Variants in CD8B observed in about 807,000 individuals in gnomAD.
CD8B encodes CD8 subunit beta, also known as T-cell surface glycoprotein CD8 beta chain.
A neutral mutation model predicts 24.2 loss-of-function variants in CD8B; 6 were observed. The ratio of observed to expected loss-of-function variants is 0.25; its 90% CI spans 0.14 to 0.49. CD8B has a LOEUF of 0.49. Among genes scored for constraint, CD8B ranks in the 20% least tolerant of loss-of-function variants. The pLI is 0.98. For synonymous variants in CD8B, 84 were observed against 108.3 expected, an observed-to-expected ratio of 0.78 and a Z score of 1.39; for missense variants, 196 against 271.3, an observed-to-expected ratio of 0.72 and a Z score of 1.95.
chr2:86,849,961 C>T (rs553596534), intron 3 of CD8B, among the ~76,000 whole-genome samples: 3 of 152,208 alleles, frequency 2.0e-5, no homozygotes, highest in African/African-American at 7.2e-5. Context: ...GCTTTGGCCT[C>T]CCAAAGTGCT....
At chr2:86,823,183 C>T (rs1052634908) in intron 5 of CD8B, among the ~76,000 whole-genome samples, 3 of 152,052 alleles carry the variant, frequency 2.0e-5, no homozygotes, top group South Asian at 2.1e-4. Context: ...GTTTCTCTGA[C>T]GAATTCAGAG....
chr2:86,848,194 G>C (rs1460301783), intron 3 of CD8B, among the ~76,000 whole-genome samples: 1 of 152,144 alleles, frequency 6.6e-6, no homozygotes, highest in Non-Finnish European at 1.5e-5. Flanking sequence ...GACAGATGCT[G>C]TCAAATGCCT....
chr2:86,815,562 G>T, exon 6 of CD8B: 1 of 1,158,468 alleles, frequency 8.6e-7, no homozygotes, highest in Non-Finnish European at 1.3e-6. Flanking sequence ...GGAGGAATCT[G>T]GTAAAAGTAG....
chr2:86,856,052 C>T (rs1169682817), intron 2 of CD8B, among the ~76,000 whole-genome samples: 1 of 152,242 alleles, frequency 6.6e-6, no homozygotes, highest in Admixed American at 6.5e-5. Flanking sequence ...CTTTCTCAAC[C>T]ATCCCAGCTT....
downstream of CD8B, among the ~76,000 whole-genome samples, chr2:86,835,767 G>A (rs1675152020): frequency 1.3e-5 from 2 of 148,772 alleles, no homozygotes; most frequent in South Asian, 2.1e-4. Flanking sequence ...AACACTCCCA[G>A]CCAAACATAA....
intron 2 of CD8B, among the ~76,000 whole-genome samples, chr2:86,854,455 A>C (rs1676131034): frequency 6.6e-6 from 1 of 152,230 alleles, no homozygotes; most frequent in Non-Finnish European, 1.5e-5. Context: ...TTAATTTCAA[A>C]GGTGAACGCC....
intron 5 of CD8B, chr2:86,822,255 T>C (rs555961390): frequency 3.5e-6 from 3 of 849,458 alleles, no homozygotes; most frequent in African/African-American, 3.5e-5. Context: ...AAAGATGATA[T>C]CTGTTTCAGG....
Position 86,828,543 on chromosome 2 carries a change from C to T in CD8B, c.621-12825G>A, listed in dbSNP as rs115645503. The stretch of plus-strand genomic sequence containing the variant: ...AAGGGGCCCTTTGAGTGGCTCTGGC[C>T]ACTGAGAAGTGAAACCCTGGGAGCA... On this transcript the variant is annotated intron_variant, in intron 5 of 5. Coordinates refer to the CD8B transcript ENST00000331469. Among the ~76,000 whole-genome samples, 663 of 152,186 alleles carry T rather than the reference C, an allele frequency of 4.4e-3. 4 individuals are homozygous for T. The highest frequency in any genetic ancestry group is 0.015 in the African/African-American group (630 of 41,514).
At chr2:86,860,795 G>T (rs1226451686) in intron 1 of CD8B, among the ~76,000 whole-genome samples, 3 of 152,164 alleles carry the variant, frequency 2.0e-5, no homozygotes, top group Non-Finnish European at 4.4e-5. Flanking sequence ...GCAAGGCCTG[G>T]GCTGTGAGTG....
downstream of CD8B, among the ~76,000 whole-genome samples, chr2:86,837,687 G>A (rs182958703): frequency 7.0e-6 from 1 of 142,298 alleles, no homozygotes; most frequent in African/African-American, 2.6e-5. Context: ...GGCGGGGGTG[G>A]GGATGAGTAA....
At chr2:86,852,204 C>A (rs1207652312) in intron 3 of CD8B, among the ~76,000 whole-genome samples, 1 of 152,148 alleles carries the variant, frequency 6.6e-6, no homozygotes. Context: ...GAGCTCAAGG[C>A]GATCCACCCA....
At position 86,842,223 on chromosome 2, in the gene CD8B, G is replaced by A. The variant is rs1219980502; in HGVS notation, c.*84C>T. 1 of 1,498,474 alleles carries A rather than the reference G, an allele frequency of 6.7e-7. No individual in the cohort carries two copies. Among genetic ancestry groups the A allele is most frequent in the African/African-American group, 1.4e-5 (1 of 71,262 alleles). 92.8% of individuals were successfully genotyped at this position (1,498,474 alleles called of 1,614,324 possible). A position where few individuals can be genotyped will look rare whatever the true frequency, so the allele number is the denominator to read the frequency against. On this transcript the variant is annotated 3_prime_UTR_variant, in exon 6 of 6. Coordinates refer to ENST00000390655, the MANE Select transcript of CD8B (RefSeq NM_004931.5). ...GCCATTGAACTCTCCAGGGTTGAAT[G>A]TGTCCCTTCTCTCATTTTTCCACAT...
intron 5 of CD8B, among the ~76,000 whole-genome samples, chr2:86,842,953 A>G (rs1675506298): frequency 1.3e-5 from 2 of 152,132 alleles, no homozygotes; most frequent in Admixed American, 6.5e-5. Flanking sequence ...GAGGTCCTGC[A>G]TCCAGCCTCC....
Position 86,841,525 on chromosome 2 carries a change from G to T in CD8B, c.*782C>A, listed in dbSNP as rs62146880. 592,431 of 900,492 alleles carry T rather than the reference G, an allele frequency of 0.66. 196,089 individuals are homozygous for T. The highest frequency in any genetic ancestry group is 0.81 in the East Asian group (6,706 of 8,314). The allele number at this position is 900,492 out of a possible 1,614,324, so 55.8% of individuals were successfully genotyped here. A position where few individuals can be genotyped will look rare whatever the true frequency, so the allele number is the denominator to read the frequency against. On this transcript the variant is annotated 3_prime_UTR_variant, in exon 6 of 6. Transcript: ENST00000390655. ...TTTCTCCTTCTGGTTTCTGTTCCAC[G>T]GAGCACTGATGTCTTTGCTGTAGAT...
intron 5 of CD8B, among the ~76,000 whole-genome samples, chr2:86,819,822 C>G (rs1050636596): frequency 6.6e-6 from 1 of 152,168 alleles, no homozygotes; most frequent in Non-Finnish European, 1.5e-5. Context: ...TCTGATAGAT[C>G]TGGGTGAAAC....
chr2:86,815,516 C>T (rs941922936), downstream of CD8B: 3 of 816,980 alleles, frequency 3.7e-6, no homozygotes, highest in Non-Finnish European at 6.4e-6. Context: ...GCAGAGAAGT[C>T]TCTGCTGGGT....
At chr2:86,828,898 A>G (rs1309336488) in intron 5 of CD8B, among the ~76,000 whole-genome samples, 2 of 151,044 alleles carry the variant, frequency 1.3e-5, no homozygotes, top group East Asian at 3.9e-4. Context: ...TCTTGTCATT[A>G]TATCTTCTCC....
In CD8B at chr2:86,841,778, A is replaced by G. The variant is rs1675436953; in HGVS notation, c.*529T>C. 1.0e-6 allele frequency: 1 copy of G among 985,702 alleles called. No homozygotes were observed. Among genetic ancestry groups the G allele is most frequent in the Non-Finnish European group, 1.2e-6 (1 of 830,128 alleles). The allele number at this position is 985,702 out of a possible 1,614,324, so 61.1% of individuals were successfully genotyped here. On this transcript the variant is annotated 3_prime_UTR_variant, in exon 6 of 6. Coordinates refer to ENST00000390655, the MANE Select transcript of CD8B (RefSeq NM_004931.5). ...GTTCCCGGCCCCAAAGGAAGCCCTC[A>G]GAGACTGATATGCCTTCTGGGAACT...
intron 5 of CD8B, chr2:86,822,359 TG>T: frequency 6.3e-7 from 1 of 1,587,334 alleles, no homozygotes; most frequent in Non-Finnish European, 8.6e-7. Flanking sequence ...ATTTCTCCAG[TG>T]GATGTAATCT....
Sources: gnomAD v4.1 joint callset for allele counts (sites outside exome capture counted in the v4.1 genomes callset) on GRCh38, gnomAD v4.1.1 for gene constraint, MANE v1.5 for transcripts, NCBI Gene and HGNC (gene_info 2026-07-23, HGNC 2026-07-21) for gene names.